MAF: variants seen among roughly 807,000 people sequenced by gnomAD.
The protein encoded by MAF is transcription factor Maf.
MAF carries 10 observed loss-of-function variants against 22.0 expected under a neutral mutation model. The ratio of observed to expected loss-of-function variants is 0.45; its 90% CI spans 0.28 to 0.77. The LOEUF (loss-of-function observed/expected upper bound fraction) is 0.77, where lower values mean the gene tolerates loss of function less well. Among genes scored for constraint, MAF ranks in the 30% least tolerant of loss-of-function variants. The pLI is 0.12. For missense variants in MAF, 544 were observed against 548.4 expected (o/e 0.99, Z 0.08); for synonymous variants, 337 against 255.8 (o/e 1.32, Z -3.03).
the MAF span, among the ~76,000 whole-genome samples, chr16:79,266,924 A>C: frequency 6.6e-6 from 1 of 152,168 alleles, no homozygotes; most frequent in Non-Finnish European, 1.5e-5. Flanking sequence ...CTTTCCTTTG[A>C]TTGCAGGGAG....
At chr16:79,333,730 A>T in the MAF span, among the ~76,000 whole-genome samples, 18 of 152,202 alleles carry the variant, frequency 1.2e-4, no homozygotes, top group Non-Finnish European at 2.1e-4. Flanking sequence ...AACCTATCTG[A>T]TGCCAGATCC....
the MAF span, among the ~76,000 whole-genome samples, chr16:79,273,866 G>A: frequency 3.3e-5 from 5 of 151,868 alleles, no homozygotes; most frequent in South Asian, 1.0e-3. Flanking sequence ...ATTGGGACAT[G>A]GATATCTTTG....
At chr16:79,578,630 C>A in the MAF span, among the ~76,000 whole-genome samples, 2 of 152,076 alleles carry the variant, frequency 1.3e-5, no homozygotes, top group African/African-American at 4.8e-5. Context: ...TCCCATTTGA[C>A]AAATATTAGA....
At chr16:79,572,218 G>C in the MAF span, among the ~76,000 whole-genome samples, 10 of 152,134 alleles carry the variant, frequency 6.6e-5, no homozygotes, top group Non-Finnish European at 7.3e-5. Flanking sequence ...ATCGGTGGAG[G>C]GGAGTCTGGT....
At chr16:79,262,920 G>T in the MAF span, among the ~76,000 whole-genome samples, 1 of 152,192 alleles carries the variant, frequency 6.6e-6, no homozygotes, top group Non-Finnish European at 1.5e-5. Context: ...CTCTCATAAT[G>T]TATGTTTGCA....
At chr16:79,226,389 G>A in the MAF span, among the ~76,000 whole-genome samples, 2 of 152,044 alleles carry the variant, frequency 1.3e-5, no homozygotes, top group Non-Finnish European at 2.9e-5. Context: ...GGGGTGGGGT[G>A]TTAGGGGAGG....
At chr16:79,257,011 T>C in the MAF span, among the ~76,000 whole-genome samples, 1 of 152,064 alleles carries the variant, frequency 6.6e-6, no homozygotes, top group Non-Finnish European at 1.5e-5. Flanking sequence ...ACCCCGTCTC[T>C]ACTAAAAATA....
At chr16:79,546,788 G>C in the MAF span, among the ~76,000 whole-genome samples, 2 of 151,886 alleles carry the variant, frequency 1.3e-5, no homozygotes, top group African/African-American at 2.4e-5. Flanking sequence ...AAAGAGAAAA[G>C]GCACATAAAG....
At chr16:79,547,881 C>CGT in the MAF span, among the ~76,000 whole-genome samples, 360 of 142,756 alleles carry the variant, frequency 2.5e-3, 1 homozygote, top group South Asian at 6.2e-3. Flanking sequence ...TGTGTGTGTG[C>CGT]GTGTGTGTGT....
At chr16:79,458,060 T>C in the MAF span, among the ~76,000 whole-genome samples, 4 of 151,088 alleles carry the variant, frequency 2.6e-5, no homozygotes, top group South Asian at 8.3e-4. Flanking sequence ...ATAAAAATTG[T>C]CCATCATCCC....
At chr16:79,478,012 C>T in the MAF span, among the ~76,000 whole-genome samples, 7 of 152,138 alleles carry the variant, frequency 4.6e-5, no homozygotes, top group African/African-American at 7.2e-5. Context: ...TGAGCCACTG[C>T]GCCTGGCCGT....
chr16:79,213,194 G>C, the MAF span, among the ~76,000 whole-genome samples: 2 of 152,174 alleles, frequency 1.3e-5, no homozygotes, highest in East Asian at 3.9e-4. Context: ...TACCAGGAAG[G>C]TGTGGAGGCT....
intron 1 of MAF, chr16:79,598,209 T>C (rs1365188823): frequency 2.9e-6 from 3 of 1,033,172 alleles, no homozygotes; most frequent in East Asian, 1.1e-4. Context: ...TGAGAAGGAG[T>C]GAGGGTGGAG....
the MAF span, among the ~76,000 whole-genome samples, chr16:79,324,479 G>A: frequency 3.9e-5 from 6 of 152,178 alleles, no homozygotes; most frequent in South Asian, 6.3e-4. Context: ...ATTAGCAGGG[G>A]GCCCTAGAAC....
the MAF span, among the ~76,000 whole-genome samples, chr16:79,529,310 C>G: frequency 6.6e-6 from 1 of 152,168 alleles, no homozygotes; most frequent in Admixed American, 6.5e-5. Context: ...CTCTACCCCT[C>G]TCTAGCTGGA....
At chr16:79,288,304 A>G in the MAF span, among the ~76,000 whole-genome samples, 150 of 152,308 alleles carry the variant, frequency 9.8e-4, no homozygotes, top group East Asian at 0.011. Flanking sequence ...GCCATTTCTG[A>G]TATTTCAAGG....
chr16:79,357,267 CAACAACAACAACAA>C, the MAF span, among the ~76,000 whole-genome samples: 1 of 134,118 alleles, frequency 7.5e-6, no homozygotes, highest in South Asian at 2.4e-4. Flanking sequence ...ACAACAACAA[CAACAACAACAACAA>C]CAACAACAAC....
At chr16:79,598,358 G>C (rs1048539128) in intron 1 of MAF, 1 of 1,091,030 alleles carries the variant, frequency 9.2e-7, no homozygotes, top group African/African-American at 1.7e-5. Context: ...AAAAATATGT[G>C]AATGATGCAG....
the MAF span, chr16:79,212,044 GAAA>G: frequency 1.3e-6 from 2 of 1,536,332 alleles, no homozygotes; most frequent in Non-Finnish European, 1.7e-6. Flanking sequence ...TGGCCTGTTT[GAAA>G]GTAAAAACCT....
Sources: allele counts gnomAD v4.1 joint callset (sites outside exome capture counted in the v4.1 genomes callset), GRCh38; gene constraint gnomAD v4.1.1; transcripts MANE v1.5; gene names NCBI Gene and HGNC (gene_info 2026-07-23, HGNC 2026-07-21).